The following TBC1D32 variants were observed in gnomAD, a reference collection of about 807,000 sequenced individuals.
The protein encoded by TBC1D32 is protein broad-minded.
TBC1D32 carries 151 observed loss-of-function variants against 170.3 expected under a neutral mutation model. The ratio of observed to expected loss-of-function variants is 0.89; its 90% confidence interval spans 0.78 to 1.01. The LOEUF is 1.01. Among genes scored for constraint, TBC1D32 ranks in the 50% least tolerant of loss-of-function variants. The pLI, the probability that TBC1D32 is intolerant of heterozygous loss-of-function variation, is 0.00. For synonymous variants in TBC1D32, 498 were observed against 488.0 expected, an observed-to-expected ratio of 1.02 and a Z score of -0.27; for missense variants, 1,464 against 1,457.1, an observed-to-expected ratio of 1.00 and a Z score of -0.08.
Position 121,171,891 on chromosome 6 carries a change from G to A in TBC1D32, c.2571-10835C>T, listed in dbSNP as rs560058071. Among the ~76,000 whole-genome samples the A allele has an allele frequency of 1.2e-4, 18 of 152,178 alleles. No homozygotes were observed. The East Asian group carries it at 2.1e-3, about 18-fold the overall frequency. ...AAAGGTGGTATTTGAGGAAATAGGC[G>A]ATCCAAGAAGAAACCAATCTTCCAG... On this transcript the variant is annotated intron_variant, in intron 22 of 31. Coordinates refer to ENST00000398212, the MANE Select transcript of TBC1D32 (RefSeq NM_152730.6).
chr6:121,295,080 A>G (rs1231808947), intron 10 of TBC1D32, among the ~76,000 whole-genome samples: 1 of 151,858 alleles, frequency 6.6e-6, no homozygotes, highest in East Asian at 1.9e-4. Context: ...CTCAAATACC[A>G]GAAATGCTAA....
At chr6:121,208,085 A>C (rs186636123) in intron 21 of TBC1D32, among the ~76,000 whole-genome samples, 1 of 151,804 alleles carries the variant, frequency 6.6e-6, no homozygotes, top group Admixed American at 6.6e-5. Flanking sequence ...AGAGAGTTAA[A>C]TGGTGACCCC....
chr6:121,323,030 A>T lies in TBC1D32; in HGVS notation c.156-1236T>A, dbSNP rs575286807. Among the ~76,000 whole-genome samples, 13 of 152,068 alleles carry T rather than the reference A, an allele frequency of 8.5e-5. No individual in the cohort carries two copies. In the South Asian group the frequency reaches 2.7e-3, roughly 32 times the overall value. On this transcript the variant is annotated intron_variant, in intron 1 of 31. Transcript: ENST00000398212. Reference sequence around the variant, plus strand: ...AAAAAAAAAGTGTACAGCAAAAAGCACTCTCCTCTTTCCAGCTACCCACCA... The same window carrying T: ...AAAAAAAAAGTGTACAGCAAAAAGCTCTCTCCTCTTTCCAGCTACCCACCA...
At chr6:121,085,296 C>CATATATACGTATATAT (rs1278951623) in intron 31 of TBC1D32, among the ~76,000 whole-genome samples, 1 of 140,762 alleles carries the variant, frequency 7.1e-6, no homozygotes, top group South Asian at 2.2e-4. Context: ...TACATATATA[C>CATATATACGTATATAT]ATACATATAT....
chr6:121,114,333 A>T lies in TBC1D32; in HGVS notation c.3053+839T>A, dbSNP rs1779481657. Among the ~76,000 whole-genome samples, 5 of 152,194 alleles carry T rather than the reference A, an allele frequency of 3.3e-5. No homozygotes were observed. The East Asian group carries it at 9.6e-4, about 29-fold the overall frequency. On this transcript the variant is annotated intron_variant, in intron 27 of 31. Transcript: ENST00000398212. ...TAATATATTCAAACATTTCATAATAACTTTGCTTATTTCTTACAAATAAGA... is the reference window on the plus strand; with the variant it reads ...TAATATATTCAAACATTTCATAATATCTTTGCTTATTTCTTACAAATAAGA...
chr6:121,317,461 T>C (rs187831804), intron 3 of TBC1D32, 34 bp downstream of exon 3: 3 of 1,468,326 alleles, frequency 2.0e-6, no homozygotes, highest in South Asian at 1.5e-5. Context: ...TTAAACAGCA[T>C]TTCAAGACAT....
intron 17 of TBC1D32, among the ~76,000 whole-genome samples, chr6:121,246,603 A>T (rs1797651715): frequency 6.6e-6 from 1 of 151,994 alleles, no homozygotes; most frequent in Non-Finnish European, 1.5e-5. Flanking sequence ...GATAACAGAG[A>T]AATGCAAAAA....
intron 17 of TBC1D32, among the ~76,000 whole-genome samples, chr6:121,245,716 C>T (rs779156017): frequency 1.4e-4 from 21 of 152,044 alleles, no homozygotes; most frequent in African/African-American, 2.4e-4. Context: ...TTCAGCCCCA[C>T]GGGAGGAGCA....
At chr6:121,113,416 C>T (rs553576747) in intron 27 of TBC1D32, among the ~76,000 whole-genome samples, 5 of 152,050 alleles carry the variant, frequency 3.3e-5, no homozygotes, top group Admixed American at 1.3e-4. Context: ...GTAGATGAAA[C>T]GTATAATATA....
chr6:121,180,702 C>T (rs1788388601), intron 22 of TBC1D32, among the ~76,000 whole-genome samples: 1 of 152,038 alleles, frequency 6.6e-6, no homozygotes, highest in Non-Finnish European at 1.5e-5. Context: ...CCTTCAAAAG[C>T]AAAGGCGACA....
chr6:121,294,309 C>T (rs6420716), intron 11 of TBC1D32, among the ~76,000 whole-genome samples: 150,555 of 152,280 alleles, frequency 0.99, 74,458 homozygotes, highest in East Asian at 1. Flanking sequence ...GATTAGGATA[C>T]ATGCCCTAGT....
chr6:121,148,233 GT>G (rs952384235), intron 24 of TBC1D32, among the ~76,000 whole-genome samples: 2 of 152,068 alleles, frequency 1.3e-5, no homozygotes, highest in Admixed American at 6.6e-5. Context: ...AGAACATGCA[GT>G]GTTTGGTTTC....
At chr6:121,261,938 T>C (rs899230326) in intron 15 of TBC1D32, among the ~76,000 whole-genome samples, 1 of 3,264 alleles carries the variant, frequency 3.1e-4, no homozygotes, top group East Asian at 0.062. Flanking sequence ...AGGAACATTT[T>C]AAATGACCTG....
intron 22 of TBC1D32, among the ~76,000 whole-genome samples, chr6:121,188,343 T>C (rs1406366356): frequency 1.3e-5 from 2 of 152,116 alleles, no homozygotes; most frequent in South Asian, 4.1e-4. Context: ...TATGTAATTA[T>C]TAACTCCAAG....
intron 26 of TBC1D32, among the ~76,000 whole-genome samples, chr6:121,116,063 A>G (rs1009758714): frequency 2.0e-5 from 3 of 152,140 alleles, no homozygotes; most frequent in Non-Finnish European, 4.4e-5. Context: ...GCATACATAC[A>G]CACAAACACA....
chr6:121,239,242 T>C, intron 19 of TBC1D32, 54 bp from the exon 20 acceptor site: 1 of 1,118,290 alleles, frequency 8.9e-7, no homozygotes, highest in Non-Finnish European at 1.3e-6. Flanking sequence ...CTTTGGATTA[T>C]GAAGGAAAGA....
At chr6:121,128,022 T>C (rs1781034423) in intron 25 of TBC1D32, among the ~76,000 whole-genome samples, 1 of 152,154 alleles carries the variant, frequency 6.6e-6, no homozygotes, top group Non-Finnish European at 1.5e-5. Flanking sequence ...ATCTGATACT[T>C]AAGAGTCACA....
chr6:121,152,834 G>A (rs1784382178), intron 24 of TBC1D32, among the ~76,000 whole-genome samples: 1 of 152,018 alleles, frequency 6.6e-6, no homozygotes, highest in Non-Finnish European at 1.5e-5. Context: ...TTCTCGTGCT[G>A]TGTTTTTCAG....
intron 30 of TBC1D32, among the ~76,000 whole-genome samples, chr6:121,101,938 C>T (rs983137729): frequency 1.3e-5 from 2 of 152,070 alleles, no homozygotes; most frequent in African/African-American, 4.8e-5. Context: ...TTCTTATACA[C>T]CGATAACAGA....
Sources: allele counts gnomAD v4.1 joint callset (sites outside exome capture counted in the v4.1 genomes callset), GRCh38; gene constraint gnomAD v4.1.1; transcripts MANE v1.5; gene names NCBI Gene and HGNC (gene_info 2026-07-23, HGNC 2026-07-21).